KAZN: variants seen among roughly 807,000 people sequenced by gnomAD.
KAZN encodes kazrin, periplakin interacting protein.
A neutral mutation model predicts 87.4 loss-of-function variants in KAZN; 40 were observed. The observed-to-expected ratio is 0.46, with a 90% CI of 0.36 to 0.60. The LOEUF (loss-of-function observed/expected upper bound fraction) is 0.60, where lower values mean the gene tolerates loss of function less well. Among genes scored for constraint, KAZN ranks in the 20% least tolerant of loss-of-function variants. KAZN has a pLI of 0.00. For synonymous variants in KAZN, 466 were observed against 458.3 expected, an observed-to-expected ratio of 1.02 and a Z score of -0.22; for missense variants, 898 against 1,073.9, an observed-to-expected ratio of 0.84 and a Z score of 2.29.
At chr1:14,636,896 C>T (rs566644718) in intron 1 of KAZN, among the ~76,000 whole-genome samples, 4 of 152,306 alleles carry the variant, frequency 2.6e-5, no homozygotes, top group African/African-American at 9.6e-5. Flanking sequence ...TCTTACCCTC[C>T]TGCTCCAAAT....
intron 2 of KAZN, among the ~76,000 whole-genome samples, chr1:14,376,352 G>T (rs1263999586): frequency 6.6e-6 from 1 of 152,146 alleles, no homozygotes; most frequent in Non-Finnish European, 1.5e-5. Flanking sequence ...TAACTAGGAG[G>T]TAACTAGGTT....
At chr1:14,232,731 T>C (rs964128629) in intron 2 of KAZN, among the ~76,000 whole-genome samples, 2 of 152,206 alleles carry the variant, frequency 1.3e-5, no homozygotes, top group Non-Finnish European at 2.9e-5. Flanking sequence ...ACTTTTCCCC[T>C]CTTATAATTA....
At chr1:13,981,088 T>TA (rs1557760587) in intron 1 of KAZN, among the ~76,000 whole-genome samples, 3,443 of 107,792 alleles carry the variant, frequency 0.032, 394 homozygotes, top group South Asian at 0.063. Flanking sequence ...AAAATTACTC[T>TA]TTATATATAT....
intron 1 of KAZN, among the ~76,000 whole-genome samples, chr1:14,613,779 C>T (rs1188469091): frequency 2.0e-5 from 3 of 152,154 alleles, no homozygotes; most frequent in Non-Finnish European, 2.9e-5. Flanking sequence ...AGGTTGGGCC[C>T]GGATCAGTGC....
intron 1 of KAZN, among the ~76,000 whole-genome samples, chr1:14,807,825 GC>G (rs1166930689): frequency 6.6e-6 from 1 of 151,982 alleles, no homozygotes; most frequent in East Asian, 1.9e-4. Flanking sequence ...GGGCAAATCA[GC>G]CCCCAAATTA....
At chr1:14,728,541 C>G (rs1643526127) in intron 1 of KAZN, among the ~76,000 whole-genome samples, 1 of 152,150 alleles carries the variant, frequency 6.6e-6, no homozygotes, top group African/African-American at 2.4e-5. Context: ...TGACTCAGGT[C>G]ACCTAGGATG....
intron 1 of KAZN, among the ~76,000 whole-genome samples, chr1:14,108,120 C>T (rs12143811): frequency 0.14 from 21,938 of 152,116 alleles, 2,141 homozygotes; most frequent in Middle Eastern, 0.26. Context: ...GCCGTGGCCT[C>T]CAGGTCACTG....
chr1:14,027,953 C>T (rs1399552186), intron 1 of KAZN, among the ~76,000 whole-genome samples: 6 of 152,108 alleles, frequency 3.9e-5, no homozygotes, highest in Non-Finnish European at 8.8e-5. Context: ...CCAAATGAGC[C>T]AACTTTTGCC....
chr1:13,936,834 T>C (rs1281596577), intron 1 of KAZN, among the ~76,000 whole-genome samples: 1 of 152,206 alleles, frequency 6.6e-6, no homozygotes, highest in Non-Finnish European at 1.5e-5. Context: ...GGTGTCTTTT[T>C]ATAAAGCAAT....
chr1:14,093,634 A>C (rs534248124), intron 1 of KAZN, among the ~76,000 whole-genome samples: 1 of 152,084 alleles, frequency 6.6e-6, no homozygotes, highest in Admixed American at 6.5e-5. Context: ...TTGCCTTCTG[A>C]GTATTTGAGT....
intron 2 of KAZN, among the ~76,000 whole-genome samples, chr1:14,555,625 A>T (rs1271146651): frequency 6.6e-6 from 1 of 152,234 alleles, no homozygotes; most frequent in East Asian, 1.9e-4. Context: ...AGAAAAAAAA[A>T]GAAGATCCCC....
At chr1:14,616,860 C>T (rs1424978369) in intron 1 of KAZN, among the ~76,000 whole-genome samples, 2 of 152,294 alleles carry the variant, frequency 1.3e-5, no homozygotes, top group African/African-American at 2.4e-5. Flanking sequence ...TGCTCCTGAC[C>T]GTTTGTAATA....
chr1:13,910,505 T>TA lies in KAZN; in HGVS notation c.91+16761dup, dbSNP rs1225004295. On this transcript the variant is annotated intron_variant, in intron 1 of 16. Transcript: ENST00000636203. The stretch of plus-strand genomic sequence containing the variant: ...CCTGGCAACAGAGTGAGACTCTGTC[T>TA]AAAAAAAAAAAAGTGTGTGTGACAC... Among the ~76,000 whole-genome samples the TA allele has an allele frequency of 5.9e-4, 84 of 142,826 alleles. 1 individual carries two copies. Among genetic ancestry groups the TA allele is most frequent in the Admixed American group, 1.3e-3 (18 of 14,318 alleles). The allele number at this position is 142,826 out of a possible 152,430, so 93.7% of individuals were successfully genotyped here.
At chr1:15,044,730 CAA>C (rs35013376) in intron 4 of KAZN, among the ~76,000 whole-genome samples, 7 of 110,526 alleles carry the variant, frequency 6.3e-5, no homozygotes, top group African/African-American at 9.6e-5. Flanking sequence ...CTGTCTCAAA[CAA>C]AAAAAAAAAA....
At chr1:14,190,564 CCTATA>C (rs1453257001) in intron 2 of KAZN, among the ~76,000 whole-genome samples, 1 of 152,100 alleles carries the variant, frequency 6.6e-6, no homozygotes, top group African/African-American at 2.4e-5. Context: ...TCTGAACTGG[CCTATA>C]CTTTTCTTTG....
At position 14,736,842 on chromosome 1, in the gene KAZN, C is replaced by CTTCA. The variant is rs558606219; in HGVS notation, c.226+137640_226+137643dup. Among the ~76,000 whole-genome samples, 872 of 152,238 alleles carry CTTCA rather than the reference C, an allele frequency of 5.7e-3. 10 individuals are homozygous for CTTCA. Among genetic ancestry groups the CTTCA allele is most frequent in the African/African-American group, 0.019 (789 of 41,536 alleles). ...TGAAGAGACATTGCCATAGCTCCCA[C>CTTCA]TTCATTCATTCATTCATTCATTCAA... On this transcript the variant is annotated intron_variant, in intron 1 of 14. Coordinates refer to ENST00000376030, the MANE Select transcript of KAZN (RefSeq NM_201628.3).
At chr1:14,061,994 T>C (rs1039608146) in intron 1 of KAZN, among the ~76,000 whole-genome samples, 1 of 152,054 alleles carries the variant, frequency 6.6e-6, no homozygotes, top group African/African-American at 2.4e-5. Flanking sequence ...TAATAAAGAT[T>C]TGGGTGGTAA....
chr1:14,561,714 G>A (rs533637061), intron 2 of KAZN, among the ~76,000 whole-genome samples: 1 of 152,176 alleles, frequency 6.6e-6, no homozygotes, highest in Admixed American at 6.5e-5. Flanking sequence ...GACAGACCTG[G>A]CCAATATGAT....
Position 14,856,378 on chromosome 1 carries a change from T to C in KAZN, c.227-104306T>C, listed in dbSNP as rs1217269821. On this transcript the variant is annotated intron_variant, in intron 1 of 14. Coordinates refer to ENST00000376030, the MANE Select transcript of KAZN (RefSeq NM_201628.3). The surrounding 1 kb of genome is among the most constrained non-coding windows in gnomAD (Gnocchi z 5.2). ...GGTTTCTTTAAAGACAAGTGAAGAT[T>C]CAATGCTAAGGAATTTTGAAGAAGG... 6.6e-6 allele frequency among the ~76,000 whole-genome samples: 1 copy of C among 152,186 alleles called. No homozygotes were observed. The highest frequency in any genetic ancestry group is 2.4e-5 in the African/African-American group (1 of 41,444).
Sources: gnomAD v4.1 joint callset for allele counts (sites outside exome capture counted in the v4.1 genomes callset) on GRCh38, gnomAD v4.1.1 for gene constraint, Gnocchi (gnomAD v3.1) non-coding constraint, MANE v1.5 for transcripts, NCBI Gene and HGNC (gene_info 2026-07-23, HGNC 2026-07-21) for gene names.